PKN3: variants seen among roughly 807,000 people sequenced by gnomAD.
The protein encoded by PKN3 is protein kinase N3, also known as serine/threonine-protein kinase N3.
Under a neutral mutation model 113.1 loss-of-function variants are expected in PKN3, and 91 were observed. The observed-to-expected ratio is 0.80, with a 90% CI of 0.68 to 0.96. PKN3 has a LOEUF of 0.96. Ranked by LOEUF, PKN3 falls within the 40% of genes least tolerant of loss-of-function variation. The pLI, the probability that PKN3 is intolerant of heterozygous loss-of-function variation, is 0.00. For synonymous variants in PKN3, 467 were observed against 499.0 expected, an observed-to-expected ratio of 0.94 and a Z score of 0.85; for missense variants, 1,052 against 1,202.2, an observed-to-expected ratio of 0.88 and a Z score of 1.85.
Position 128,705,485 on chromosome 9 carries a change from C to A in PKN3, c.207C>A (p.Gly69=), listed in dbSNP as rs770615939. Residue 69 remains glycine (G), a synonymous_variant, in exon 2 of 22, where the codon GGC becomes GGA. Transcript: ENST00000291906. Reference sequence around the variant, plus strand: ...ACCGCCGCCTGGAGCAGCTGCATGGCGAGCTGCGGGAGCTGCACGCCCGAA... The same window carrying A: ...ACCGCCGCCTGGAGCAGCTGCATGGAGAGCTGCGGGAGCTGCACGCCCGAA... ...SSNRRLEQLH[G]ELRELHARIL... 2 of 1,563,056 alleles carry A rather than the reference C, an allele frequency of 1.3e-6. No individual in the cohort carries two copies. The highest frequency in any genetic ancestry group is 1.7e-6 in the Non-Finnish European group (2 of 1,154,656).
At position 128,705,876 on chromosome 9, in the gene PKN3, C is replaced by T. The variant is rs542676776; in HGVS notation, c.408C>T (p.Pro136=). The change falls in exon 3 of 22, where the codon CCC becomes CCT. Residue 136 remains proline (P), a synonymous_variant. Transcript: ENST00000291906. ...CCCACACGTGCGCCAGTGGCACCCC[C>T]AAGGTAAGGCCCCACAGTCTGATGG... ...NMTHTCASGT[P]KERKLLAAAQ... 1.3e-6 allele frequency: 2 copies of T among 1,590,488 alleles called. No individual in the cohort carries two copies. The highest frequency in any genetic ancestry group is 2.3e-5 in the East Asian group (1 of 44,286).
At chr9:128,705,595 G>T in intron 2 of PKN3, 52 bp downstream of exon 2, 2 of 1,546,038 alleles carry the variant, frequency 1.3e-6, no homozygotes, top group Non-Finnish European at 1.7e-6. Context: ...GGCCCATCTG[G>T]CCCCTGGCCT....
rs899290018 is a variant in PKN3 at position 128,715,026 on chromosome 9, C to T, written c.1653-146C>T. Reference sequence around the variant, plus strand: ...ACATTATTGAGCTCCAGCTCTATGCCGGCTTCTAGGAGTCCTTACTGCAGG... The same window carrying T: ...ACATTATTGAGCTCCAGCTCTATGCTGGCTTCTAGGAGTCCTTACTGCAGG... On this transcript the variant is annotated intron_variant, in intron 13 of 21. Transcript: ENST00000291906. The surrounding 1 kb of genome is among the most constrained non-coding windows in gnomAD (Gnocchi z 4.1). 13 of 1,055,888 alleles carry T rather than the reference C, an allele frequency of 1.2e-5. No individual in the cohort carries two copies. The highest frequency in any genetic ancestry group is 1.2e-4 in the East Asian group (5 of 41,644). 65.4% of individuals were successfully genotyped at this position (1,055,888 alleles called of 1,614,324 possible). A position where few individuals can be genotyped will look rare whatever the true frequency, so the allele number is the denominator to read the frequency against.
In PKN3 at chr9:128,705,521, C is replaced by A. The variant is rs571559064; in HGVS notation, c.243C>A (p.Pro81=). Residue 81 remains proline, a synonymous_variant, in exon 2 of 22, where the codon CCC becomes CCA. Transcript: ENST00000291906. The part of the protein sequence containing the change: ...LRELHARILL[P]GPGPGPAEPV... ...AGCTGCACGCCCGAATCCTGCTGCC[C>A]GGCCCTGGGCCTGGCCCAGCTGGTG... is the stretch of plus-strand genomic sequence containing the variant. 1 of 1,556,674 alleles carries A rather than the reference C, an allele frequency of 6.4e-7. No individual in the cohort carries two copies. The highest frequency in any genetic ancestry group is 1.9e-5 in the Admixed American group (1 of 51,610).
At chr9:128,711,477 A>AT (rs1862174251) in intron 6 of PKN3, among the ~76,000 whole-genome samples, 1 of 149,390 alleles carries the variant, frequency 6.7e-6, no homozygotes, top group Non-Finnish European at 1.5e-5. Flanking sequence ...CGCCCGGCTA[A>AT]TTTTTTGTAT....
At chr9:128,708,343 T>A (rs1328048984) in intron 6 of PKN3, among the ~76,000 whole-genome samples, 1 of 152,130 alleles carries the variant, frequency 6.6e-6, no homozygotes, top group East Asian at 1.9e-4. Flanking sequence ...ATTGCGCCGC[T>A]GCACTTCAGC....
At chr9:128,709,662 G>A (rs552591461) in intron 6 of PKN3, 1 of 151,664 alleles carries the variant, frequency 6.6e-6, no homozygotes, top group East Asian at 2.0e-4. Context: ...TAAAGCAGGA[G>A]AATTGCTTGA....
intron 6 of PKN3, among the ~76,000 whole-genome samples, chr9:128,708,407 GA>G (rs1032679213): frequency 6.6e-6 from 1 of 151,130 alleles, no homozygotes. Flanking sequence ...AATTTCCTTG[GA>G]AAAAAAATAA....
intron 16 of PKN3, among the ~76,000 whole-genome samples, 190 bp downstream of exon 16, chr9:128,717,113 G>GTTTTT (rs1554781180): frequency 1.5e-3 from 21 of 14,408 alleles, no homozygotes; most frequent in African/African-American, 3.5e-3. Flanking sequence ...TGTGCATTAG[G>GTTTTT]TTTCTTTTTT....
At position 128,714,653 on chromosome 9, in the gene PKN3, G is replaced by C; in HGVS notation, c.1573G>C (p.Glu525Gln). 3 of 1,440,494 alleles carry C rather than the reference G, an allele frequency of 2.1e-6. No homozygotes were observed. Among genetic ancestry groups the C allele is most frequent in the Non-Finnish European group, 2.9e-6 (3 of 1,022,196 alleles). 89.2% of individuals were successfully genotyped at this position (1,440,494 alleles called of 1,614,324 possible). The change falls in exon 12 of 22, where the codon GAG becomes CAG. Residue 525 changes from glutamate to glutamine, a missense_variant. Around this residue, in one of 2 missense-constraint regions of PKN3, gnomAD observed 719 missense variants for 759.4 expected, o/e 0.95. Transcript: ENST00000291906. ...CTACCTCCCCCAGGAGCCAACATCC[G>C]AGGAGACTCCGGTGAGGGGCTGGAG... is the stretch of plus-strand genomic sequence containing the variant. ...RLYLPQEPTS[E>Q]ETPRTKRPHM...
chr9:128,716,709 GTT>G, intron 15 of PKN3, 36 bp from the exon 16 acceptor site: 1 of 1,586,328 alleles, frequency 6.3e-7, no homozygotes, highest in Non-Finnish European at 8.6e-7. Flanking sequence ...CCCAGGGAAA[GTT>G]TTCCTTCCCT....
chr9:128,716,297 C>CAA (rs35693710), intron 15 of PKN3, among the ~76,000 whole-genome samples: 5 of 98,622 alleles, frequency 5.1e-5, no homozygotes, highest in African/African-American at 1.9e-4. Flanking sequence ...GACCCTGTCT[C>CAA]AAAAAAAAAA....
intron 1 of PKN3, among the ~76,000 whole-genome samples, chr9:128,705,063 C>A (rs898198601): frequency 6.6e-6 from 1 of 152,108 alleles, no homozygotes; most frequent in Non-Finnish European, 1.5e-5. Context: ...TGTGAACTGT[C>A]CCCCCCGCCA....
chr9:128,712,272 C>T (rs1267996399), intron 6 of PKN3, among the ~76,000 whole-genome samples: 2 of 152,322 alleles, frequency 1.3e-5, no homozygotes, highest in East Asian at 1.9e-4. Context: ...CAAGTTCTCT[C>T]TGTGTGTAAC....
Position 128,706,713 on chromosome 9 carries a change from G to A in PKN3, c.412G>A (p.Glu138Lys), listed in dbSNP as rs1194287170. Residue 138 changes from glutamate (E) to lysine (K), a missense_variant and splice_region_variant, in exon 4 of 22, where the codon GAG (glutamate) becomes AAG (lysine). By Grantham distance (56) the Glu-to-Lys change is moderately conservative. Transcript: ENST00000291906. ...THTCASGTPK[E>K]RKLLAAAQQM... ...ATGGGCCTGTGCTATGGCTCCATAG[G>A]AGAGGAAGCTCCTGGCAGCTGCCCA... is the stretch of plus-strand genomic sequence containing the variant. 3 of 1,566,596 alleles carry A rather than the reference G, an allele frequency of 1.9e-6. No homozygotes were observed. The highest frequency in any genetic ancestry group is 1.3e-5 in the African/African-American group (1 of 74,334).
chr9:128,713,661 C>G lies in PKN3; in HGVS notation c.1236+19C>G, dbSNP rs1163176254. On this transcript the variant is annotated intron_variant, in intron 9 of 21. Transcript: ENST00000291906. ...TGCCCAGGTGCTCACCACCTCCGCC[C>G]TCTGACTTGGTGGGACCCTGGGGCG... 1 of 1,612,574 alleles carries G rather than the reference C, an allele frequency of 6.2e-7. No individual in the cohort carries two copies. Among genetic ancestry groups the G allele is most frequent in the Non-Finnish European group, 8.5e-7 (1 of 1,179,316 alleles).
Position 128,714,283 on chromosome 9 carries a change from T to A in PKN3, c.1399T>A (p.Ser467Thr). 3.7e-6 allele frequency: 6 copies of A among 1,613,336 alleles called. No individual in the cohort carries two copies. The highest frequency in any genetic ancestry group is 5.1e-6 in the Non-Finnish European group (6 of 1,179,692). ...LVMNLLPPCS[S>T]PSTISPPKGC... ...CATGAACCTGCTGCCCCCCTGCAGC[T>A]CCCCGAGCACAATCAGCCCCCCTAA... The change falls in exon 11 of 22, where the codon TCC becomes ACC. Residue 467 changes from serine to threonine, a missense_variant. By Grantham distance (58) the Ser-to-Thr change is moderately conservative. Around this residue, in one of 2 missense-constraint regions of PKN3, gnomAD observed 719 missense variants for 759.4 expected, o/e 0.95. Coordinates refer to ENST00000291906, the MANE Select transcript of PKN3 (RefSeq NM_013355.5).
rs570131761 is a variant in PKN3, at chr9:128,714,977, C to A, written c.1652+112C>A. 8.2e-5 allele frequency: 95 copies of A among 1,156,244 alleles called. No homozygotes were observed. In the African/African-American group the frequency reaches 1.3e-3, roughly 16 times the overall value. 71.6% of individuals were successfully genotyped at this position (1,156,244 alleles called of 1,614,324 possible). ...TCCCTGGCGGGTGCGCTGACTGGCT[C>A]TCGGGGTCTGATTTACTAAACCCAC... On this transcript the variant is annotated intron_variant, in intron 13 of 21. Transcript: ENST00000291906.
At chr9:128,717,720 TA>T (rs568178531) in intron 16 of PKN3, among the ~76,000 whole-genome samples, 647 of 99,256 alleles carry the variant, frequency 6.5e-3, no homozygotes, top group Admixed American at 0.011. Flanking sequence ...AGACTCCATC[TA>T]AAAAAAAAAA....
Sources: allele counts gnomAD v4.1 joint callset (sites outside exome capture counted in the v4.1 genomes callset), GRCh38; gene constraint gnomAD v4.1.1; regional missense constraint gnomAD v4.1.1; non-coding constraint Gnocchi (gnomAD v3.1); transcripts MANE v1.5; gene names NCBI Gene and HGNC (gene_info 2026-07-23, HGNC 2026-07-21).